The following CCDC110 variants were observed in gnomAD, a reference collection of about 807,000 sequenced individuals.
CCDC110 encodes coiled-coil domain-containing protein 110.
CCDC110 carries 70 observed loss-of-function variants against 77.1 expected under a neutral mutation model. The ratio of observed to expected loss-of-function variants is 0.91; its 90% CI spans 0.75 to 1.11. The LOEUF (loss-of-function observed/expected upper bound fraction) is 1.11, where lower values mean the gene tolerates loss of function less well. Ranked by LOEUF, CCDC110 falls within the 50% of genes least tolerant of loss-of-function variation. The probability of loss-of-function intolerance (pLI) is 0.00; values close to 1 mark genes in which losing one functional copy is unlikely to be tolerated. For missense variants in CCDC110, 868 were observed against 942.9 expected, an observed-to-expected ratio of 0.92 and a Z score of 1.04; for synonymous variants, 295 against 312.5, an observed-to-expected ratio of 0.94 and a Z score of 0.59.
At chr4:185,469,908 T>C (rs899623819) in intron 2 of CCDC110, among the ~76,000 whole-genome samples, 1 of 152,172 alleles carries the variant, frequency 6.6e-6, no homozygotes, top group Non-Finnish European at 1.5e-5. Flanking sequence ...GCCCATATCC[T>C]ACAGAGGGGC....
chr4:185,460,131 G>C lies in CCDC110; in HGVS notation c.456C>G (p.Asn152Lys). 1 of 1,613,478 alleles carries C rather than the reference G, an allele frequency of 6.2e-7. No individual in the cohort carries two copies. The highest frequency in any genetic ancestry group is 8.5e-7 in the Non-Finnish European group (1 of 1,179,884). Reference sequence around the variant, plus strand: ...GAACATTTACACTTTGAGGGAGACTGTTCACACTATCACCACTTAATTTTT... The same window carrying C: ...GAACATTTACACTTTGAGGGAGACTCTTCACACTATCACCACTTAATTTTT... ...VEEKLSGDSV[N>K]SLPQSVNVPS... is the part of the protein sequence containing the mutation. The change falls in exon 6 of 7, where the codon AAC becomes AAG. Residue 152 changes from asparagine (N) to lysine (K), a missense_variant. Physicochemically the swap from Asn to Lys is moderately conservative, Grantham distance 94. Coordinates refer to ENST00000307588, the MANE Select transcript of CCDC110 (RefSeq NM_152775.4).
At chr4:185,466,896 G>C (rs571799904) in intron 2 of CCDC110, among the ~76,000 whole-genome samples, 1 of 152,300 alleles carries the variant, frequency 6.6e-6, no homozygotes, top group South Asian at 2.1e-4. Context: ...ATGAGATCCA[G>C]AGGAAATCAC....
Position 185,459,568 on chromosome 4 carries a change from C to A in CCDC110, c.1019G>T (p.Cys340Phe), listed in dbSNP as rs1561161338. 1 of 1,613,214 alleles carries A rather than the reference C, an allele frequency of 6.2e-7. No homozygotes were observed. Among genetic ancestry groups the A allele is most frequent in the Non-Finnish European group, 8.5e-7 (1 of 1,179,684 alleles). The change falls in exon 6 of 7, where the codon TGT becomes TTT. Residue 340 changes from cysteine (C) to phenylalanine (F), a missense_variant. Cys to Phe is a radical substitution (Grantham distance 205). Transcript: ENST00000307588. ...SKFHVHFCRK[C>F]KKLSKSEMHR... The stretch of plus-strand genomic sequence containing the variant: ...CATTTCACTCTTAGATAACTTTTTA[C>A]ATTTTCTACAAAAATGCACATGGAA...
rs547405114 is a variant in CCDC110, at chr4:185,452,265, G to C, written c.2461+5861C>G. On this transcript the variant is annotated intron_variant, in intron 6 of 6. Transcript: ENST00000307588. ...CCTGTTATGATGCCTGTATGACTTG[G>C]GTAGTTTTCTGCATCCATCGTCAAT... 7 of 985,366 alleles carry C rather than the reference G, an allele frequency of 7.1e-6. No homozygotes were observed. In the African/African-American group the frequency reaches 1.2e-4, roughly 17 times the overall value. The allele number at this position is 985,366 out of a possible 1,614,324, so 61.0% of individuals were successfully genotyped here. A position where few individuals can be genotyped will look rare whatever the true frequency, so the allele number is the denominator to read the frequency against.
chr4:185,447,271 T>C (rs1580153708), intron 6 of CCDC110, among the ~76,000 whole-genome samples: 1 of 152,086 alleles, frequency 6.6e-6, no homozygotes, highest in Admixed American at 6.6e-5. Flanking sequence ...AAGCTCCACC[T>C]GCCGGGTTCA....
At chr4:185,452,238 C>G in intron 6 of CCDC110, 3 of 985,474 alleles carry the variant, frequency 3.0e-6, no homozygotes, top group Non-Finnish European at 3.6e-6. Context: ...GTTATCTACT[C>G]TCCTGTTATG....
intron 2 of CCDC110, 31 bp downstream of exon 2, chr4:185,470,914 A>G (rs370618625): frequency 1.4e-6 from 2 of 1,473,880 alleles, no homozygotes; most frequent in Non-Finnish European, 1.9e-6. Context: ...GTGTATAGTT[A>G]AAGGAGCCTT....
intron 6 of CCDC110, among the ~76,000 whole-genome samples, chr4:185,449,300 C>T (rs2095624293): frequency 2.0e-5 from 3 of 152,052 alleles, no homozygotes; most frequent in Non-Finnish European, 1.5e-5. Context: ...GTAGGCAGAT[C>T]GCTTGAGCCC....
chr4:185,461,175 T>A lies in CCDC110; in HGVS notation c.238-16A>T, dbSNP rs2095645702. 2 of 1,308,556 alleles carry A rather than the reference T, an allele frequency of 1.5e-6. No individual in the cohort carries two copies. Among genetic ancestry groups the A allele is most frequent in the East Asian group, 2.3e-5 (1 of 43,268 alleles). 81.1% of individuals were successfully genotyped at this position (1,308,556 alleles called of 1,614,324 possible). The stretch of plus-strand genomic sequence containing the variant: ...CCGACTGTACCTTTAAAAGATAAAT[T>A]GAGAAAAATTTGATTTCAGATTTGT... On this transcript the variant is annotated splice_polypyrimidine_tract_variant and intron_variant, in intron 4 of 6. Coordinates refer to ENST00000307588, the MANE Select transcript of CCDC110 (RefSeq NM_152775.4).
chr4:185,457,633 T>C lies in CCDC110; in HGVS notation c.2461+493A>G. ...ACCGTTCTTGACAGTATAAAATATA[T>C]ACTTAATTCCAATTTCTAATTTTAA... is the stretch of plus-strand genomic sequence containing the variant. On this transcript the variant is annotated intron_variant, in intron 6 of 6. Transcript: ENST00000307588. 1.2e-5 allele frequency: 7 copies of C among 582,252 alleles called. No homozygotes were observed. The South Asian group carries it at 1.7e-4, about 14-fold the overall frequency. The allele number at this position is 582,252 out of a possible 1,614,324, so 36.1% of individuals were successfully genotyped here. A position where few individuals can be genotyped will look rare whatever the true frequency, so the allele number is the denominator to read the frequency against.
chr4:185,470,700 T>C lies in CCDC110; in HGVS notation c.115+245A>G, dbSNP rs763969453. On this transcript the variant is annotated intron_variant, in intron 2 of 6. Transcript: ENST00000307588. Reference sequence around the variant, plus strand: ...TGTGACCTTAGGGAGTTAACCTCTCTGTGCCCGTTTCCTTATCTGCAAAAT... The same window carrying C: ...TGTGACCTTAGGGAGTTAACCTCTCCGTGCCCGTTTCCTTATCTGCAAAAT... 3.3e-5 allele frequency: 20 copies of C among 599,794 alleles called. 2 individuals are homozygous for C. The highest frequency in any genetic ancestry group is 3.0e-4 in the South Asian group (20 of 65,888). The allele number at this position is 599,794 out of a possible 1,614,324, so 37.2% of individuals were successfully genotyped here.
chr4:185,457,519 T>G (rs1353734754), intron 6 of CCDC110, among the ~76,000 whole-genome samples: 1 of 152,212 alleles, frequency 6.6e-6, no homozygotes, highest in African/African-American at 2.4e-5. Flanking sequence ...AATCTCTCGC[T>G]CAGGAGTCTT....
At chr4:185,465,022 T>C (rs1261943197) in intron 2 of CCDC110, among the ~76,000 whole-genome samples, 2 of 152,234 alleles carry the variant, frequency 1.3e-5, no homozygotes. Context: ...TTTCCTTCCA[T>C]GCCTACTTCC....
intron 2 of CCDC110, among the ~76,000 whole-genome samples, chr4:185,463,777 G>C (rs1326350351): frequency 6.6e-6 from 1 of 152,166 alleles, no homozygotes; most frequent in Admixed American, 6.5e-5. Context: ...CTAGATTATA[G>C]ATGGGCCAGA....
chr4:185,463,107 C>A, intron 2 of CCDC110, 58 bp from the exon 3 acceptor site: 5 of 1,375,814 alleles, frequency 3.6e-6, no homozygotes, highest in Non-Finnish European at 5.1e-6. Flanking sequence ...TTTTTTAAAA[C>A]CTGTAATAGA....
chr4:185,453,539 C>CTTGCT (rs2095632040), intron 6 of CCDC110, among the ~76,000 whole-genome samples: 1 of 145,152 alleles, frequency 6.9e-6, no homozygotes, highest in South Asian at 2.2e-4. Flanking sequence ...AGCACACAGT[C>CTTGCT]TTGCTTTTTT....
chr4:185,459,716 T>G lies in CCDC110; in HGVS notation c.871A>C (p.Met291Leu), dbSNP rs780135406. Residue 291 changes from methionine to leucine, a missense_variant, in exon 6 of 7, where the codon ATG becomes CTG. Physicochemically the swap from Met to Leu is conservative, Grantham distance 15. Transcript: ENST00000307588. ...YDMSPIHQDKMNFIKEENLDG... is the reference protein window; with the variant it reads ...YDMSPIHQDKLNFIKEENLDG... ...AAGTTTTCTTCCTTAATAAAGTTCATTTTATCCTGGTGAATAGGGGACATG... is the reference window on the plus strand; with the variant it reads ...AAGTTTTCTTCCTTAATAAAGTTCAGTTTATCCTGGTGAATAGGGGACATG... The G allele has an allele frequency of 3.1e-6, 5 of 1,613,470 alleles. No individual in the cohort carries two copies. Among genetic ancestry groups the G allele is most frequent in the Non-Finnish European group, 3.4e-6 (4 of 1,179,818 alleles).
intron 6 of CCDC110, among the ~76,000 whole-genome samples, chr4:185,450,548 A>C (rs918165725): frequency 9.9e-5 from 15 of 152,284 alleles, no homozygotes; most frequent in Admixed American, 7.8e-4. Context: ...GGAGTTCGAG[A>C]CCAGCCTGCC....
chr4:185,456,409 GAACAGA>G, intron 6 of CCDC110, among the ~76,000 whole-genome samples: 1 of 134,012 alleles, frequency 7.5e-6, no homozygotes, highest in Middle Eastern at 3.6e-3. Context: ...TACTAAATAG[GAACAGA>G]AATCAATGGA....
Sources: allele counts gnomAD v4.1 joint callset (sites outside exome capture counted in the v4.1 genomes callset), GRCh38; gene constraint gnomAD v4.1.1; transcripts MANE v1.5; gene names NCBI Gene and HGNC (gene_info 2026-07-23, HGNC 2026-07-21).